Variants in CFAP77 observed in about 807,000 individuals in gnomAD.
CFAP77 encodes cilia- and flagella-associated protein 77.
A neutral mutation model predicts 31.1 loss-of-function variants in CFAP77; 25 were observed. That is an observed-to-expected ratio of 0.80 (90% CI 0.59 to 1.12). CFAP77 has a LOEUF of 1.12. Among genes scored for constraint, CFAP77 ranks in the 50% most tolerant of loss-of-function variants. The pLI, the probability that CFAP77 is intolerant of heterozygous loss-of-function variation, is 0.00. For synonymous variants in CFAP77, 151 were observed against 159.9 expected (o/e 0.94, Z 0.42); for missense variants, 377 against 397.3 (o/e 0.95, Z 0.44).
chr9:132,517,521 T>C lies in CFAP77; in HGVS notation c.524+17921T>C, dbSNP rs1852168935. On this transcript the variant is annotated intron_variant, in intron 3 of 5. Transcript: ENST00000393216. This position sits in a 1 kb window ranked among gnomAD's most constrained non-coding sequence, Gnocchi z 4.7. ...GCCTGCTGTGAACGGAGAGCCGTAC[T>C]AAAATCCAGTTTGTCAGACCCAAGT... Among the ~76,000 whole-genome samples the C allele has an allele frequency of 6.6e-6, 1 of 152,232 alleles. No homozygotes were observed. The highest frequency in any genetic ancestry group is 1.5e-5 in the Non-Finnish European group (1 of 68,038).
At chr9:132,557,201 G>A (rs1852919273) in intron 5 of CFAP77, among the ~76,000 whole-genome samples, 1 of 152,182 alleles carries the variant, frequency 6.6e-6, no homozygotes, top group Admixed American at 6.5e-5. Context: ...AAACGGGAAG[G>A]GGTCTTTCCC....
In CFAP77 at chr9:132,438,519, GTATATA is replaced by G. The variant is rs34631762; in HGVS notation, c.195+28071_195+28076del. Among the ~76,000 whole-genome samples the G allele has an allele frequency of 5.3e-3, 614 of 116,680 alleles. 12 individuals carry two copies. The highest frequency in any genetic ancestry group is 0.02 in the African/African-American group (594 of 29,596). 76.5% of individuals were successfully genotyped at this position (116,680 alleles called of 152,430 possible). ...TCCTTTATTTGGGGGAACAGATATG[GTATATA>G]TATATATATATATATATTTTTTTTT... On this transcript the variant is annotated intron_variant, in intron 1 of 5. Transcript: ENST00000393216.
intron 1 of CFAP77, among the ~76,000 whole-genome samples, chr9:132,471,485 G>A (rs1005143798): frequency 1.3e-5 from 2 of 151,812 alleles, no homozygotes; most frequent in Non-Finnish European, 2.9e-5. Context: ...CAAGTGAATG[G>A]CCACCCCCTC....
Position 132,497,800 on chromosome 9 carries a change from C to A in CFAP77, c.196-895C>A, listed in dbSNP as rs1481632753. 6.6e-6 allele frequency among the ~76,000 whole-genome samples: 1 copy of A among 152,156 alleles called. No homozygotes were observed. Among genetic ancestry groups the A allele is most frequent in the African/African-American group, 2.4e-5 (1 of 41,428 alleles). ...ATTGTGCCTGGGATGCAGTCCGAACCCAGCAAGTGCCCACTGATGCAGCGG... is the reference window on the plus strand; with the variant it reads ...ATTGTGCCTGGGATGCAGTCCGAACACAGCAAGTGCCCACTGATGCAGCGG... On this transcript the variant is annotated intron_variant, in intron 1 of 5. Transcript: ENST00000393216. The surrounding 1 kb of genome is among the most constrained non-coding windows in gnomAD (Gnocchi z 4.9).
chr9:132,416,902 GC>G (rs1850111769), intron 1 of CFAP77, among the ~76,000 whole-genome samples: 1 of 152,064 alleles, frequency 6.6e-6, no homozygotes, highest in South Asian at 2.1e-4. Context: ...CTTCCAAAGT[GC>G]TGGGATTACA....
intron 5 of CFAP77, among the ~76,000 whole-genome samples, chr9:132,571,271 C>T (rs1346242096): frequency 6.6e-6 from 1 of 152,150 alleles, no homozygotes. Flanking sequence ...ACCTGGCCGC[C>T]GCATCCCCTC....
rs1228947952 is a variant in CFAP77 at position 132,552,450 on chromosome 9, C to G, written c.732+9403C>G. 6.6e-6 allele frequency among the ~76,000 whole-genome samples: 1 copy of G among 152,182 alleles called. No individual in the cohort carries two copies. Among genetic ancestry groups the G allele is most frequent in the Non-Finnish European group, 1.5e-5 (1 of 68,038 alleles). On this transcript the variant is annotated intron_variant, in intron 5 of 5. Transcript: ENST00000393216. This position sits in a 1 kb window ranked among gnomAD's most constrained non-coding sequence, Gnocchi z 5.5. ...GGCTCATGCCTGTAATCTCCCAGCACTTTGGGAGGCCAAGGCGGGAGGATC... is the reference window on the plus strand; with the variant it reads ...GGCTCATGCCTGTAATCTCCCAGCAGTTTGGGAGGCCAAGGCGGGAGGATC...
chr9:132,563,296 G>A (rs1198784837), intron 5 of CFAP77, among the ~76,000 whole-genome samples: 3 of 152,204 alleles, frequency 2.0e-5, no homozygotes, highest in Non-Finnish European at 2.9e-5. Flanking sequence ...TTACAAGTGT[G>A]AGCCACTGCA....
At position 132,561,663 on chromosome 9, in the gene CFAP77, C is replaced by CACACACACA. The variant is rs1564253366; in HGVS notation, c.733-10725_733-10724insACACACACA. ...CACACACACACACACACACACACAC[C>CACACACACA]CCCTCCATGTGTCTCTGGGATGGGT... On this transcript the variant is annotated intron_variant, in intron 5 of 5. Transcript: ENST00000393216. Among the ~76,000 whole-genome samples, 23 of 50,756 alleles carry CACACACACA rather than the reference C, an allele frequency of 4.5e-4. 1 individual carries two copies. The highest frequency in any genetic ancestry group is 2.3e-3 in the African/African-American group (18 of 7,896). 33.3% of individuals were successfully genotyped at this position (50,756 alleles called of 152,430 possible). A position where few individuals can be genotyped will look rare whatever the true frequency, so the allele number is the denominator to read the frequency against.
intron 1 of CFAP77, among the ~76,000 whole-genome samples, chr9:132,449,813 C>T (rs1220405550): frequency 1.3e-5 from 2 of 152,198 alleles, no homozygotes; most frequent in African/African-American, 4.8e-5. Context: ...ATGAGCATCT[C>T]AGTTGCTCCC....
rs571067831 is a variant in CFAP77, at chr9:132,552,397, A to T, written c.732+9350A>T. ...CTGGGATCCTCTGAGGAGATGTTTA[A>T]AATGCAGAGTCGAAGGCCCAGTGCG... On this transcript the variant is annotated intron_variant, in intron 5 of 5. Coordinates refer to ENST00000393216, the MANE Select transcript of CFAP77 (RefSeq NM_001282957.2). This position sits in a 1 kb window ranked among gnomAD's most constrained non-coding sequence, Gnocchi z 5.5. Among the ~76,000 whole-genome samples the T allele has an allele frequency of 6.6e-6, 1 of 152,322 alleles. No homozygotes were observed. Among genetic ancestry groups the T allele is most frequent in the South Asian group, 2.1e-4 (1 of 4,824 alleles).
At chr9:132,484,550 T>C (rs1309842801) in intron 1 of CFAP77, among the ~76,000 whole-genome samples, 1 of 152,210 alleles carries the variant, frequency 6.6e-6, no homozygotes, top group African/African-American at 2.4e-5. Context: ...CCATCCACAT[T>C]GTAACATGGA....
chr9:132,431,367 A>C (rs1225234380), intron 1 of CFAP77, among the ~76,000 whole-genome samples: 2 of 152,228 alleles, frequency 1.3e-5, no homozygotes, highest in Non-Finnish European at 2.9e-5. Context: ...TCAGAAGTAT[A>C]TTTGACATGC....
chr9:132,422,679 G>GT (rs1850239215), intron 1 of CFAP77, among the ~76,000 whole-genome samples: 1 of 152,194 alleles, frequency 6.6e-6, no homozygotes, highest in Non-Finnish European at 1.5e-5. Context: ...TGGGCAGGAA[G>GT]TCAGAGGCCA....
At chr9:132,560,552 CT>C (rs1852978398) in intron 5 of CFAP77, among the ~76,000 whole-genome samples, 1 of 152,184 alleles carries the variant, frequency 6.6e-6, no homozygotes, top group Non-Finnish European at 1.5e-5. Context: ...ATTGGTATGG[CT>C]TCTCGAAGGA....
At chr9:132,428,109 C>T (rs1190034172) in intron 1 of CFAP77, among the ~76,000 whole-genome samples, 1 of 151,904 alleles carries the variant, frequency 6.6e-6, no homozygotes, top group Non-Finnish European at 1.5e-5. Context: ...GTGATTCTCC[C>T]ACCTCAGCCT....
Position 132,531,611 on chromosome 9 carries a change from C to T in CFAP77, c.525-5990C>T, listed in dbSNP as rs190637671. 3.8e-3 allele frequency among the ~76,000 whole-genome samples: 481 copies of T among 126,692 alleles called. 6 individuals are homozygous for T. Among genetic ancestry groups the T allele is most frequent in the African/African-American group, 0.015 (463 of 30,616 alleles). 83.1% of individuals were successfully genotyped at this position (126,692 alleles called of 152,430 possible). On this transcript the variant is annotated intron_variant, in intron 3 of 5. Transcript: ENST00000393216. ...CTGCGGCCCGGGCAATGAGTCTGGGCTTAGGCTAAGACATGGGGGGGGGGG... is the reference window on the plus strand; with the variant it reads ...CTGCGGCCCGGGCAATGAGTCTGGGTTTAGGCTAAGACATGGGGGGGGGGG...
At chr9:132,537,533 G>A in intron 3 of CFAP77, 68 bp from the exon 4 acceptor site, 1 of 1,169,918 alleles carries the variant, frequency 8.5e-7, no homozygotes, top group South Asian at 1.4e-5. Flanking sequence ...CCCGGGGGCG[G>A]GCGGTGGGGA....
At chr9:132,513,841 G>A (rs1036908190) in intron 3 of CFAP77, among the ~76,000 whole-genome samples, 3 of 152,202 alleles carry the variant, frequency 2.0e-5, no homozygotes, top group Admixed American at 1.3e-4. Flanking sequence ...CCTTCCGGGT[G>A]CTGGCCCCAT....
Sources: allele counts gnomAD v4.1 joint callset (sites outside exome capture counted in the v4.1 genomes callset), GRCh38; gene constraint gnomAD v4.1.1; non-coding constraint Gnocchi (gnomAD v3.1); transcripts MANE v1.5; gene names NCBI Gene and HGNC (gene_info 2026-07-23, HGNC 2026-07-21).